Variants in RBM4 observed in about 807,000 individuals in gnomAD.
RBM4 encodes the protein RNA binding motif protein 4.
Under a neutral mutation model 29.5 loss-of-function variants are expected in RBM4, and 7 were observed. The observed-to-expected ratio is 0.24, with a 90% CI of 0.14 to 0.45. The LOEUF (loss-of-function observed/expected upper bound fraction) is 0.45. Ranked by LOEUF, RBM4 falls within the 20% of genes least tolerant of loss-of-function variation. The probability of loss-of-function intolerance (pLI) is 1.00; values close to 1 mark genes in which losing one functional copy is unlikely to be tolerated. For missense variants in RBM4, 387 were observed against 502.3 expected (o/e 0.77, Z 2.19); for synonymous variants, 220 against 205.4 (o/e 1.07, Z -0.61).
At chr11:66,654,351 C>G (rs1938898496) in intron 2 of RBM4, among the ~76,000 whole-genome samples, 1 of 151,722 alleles carries the variant, frequency 6.6e-6, no homozygotes, top group East Asian at 2.0e-4. Flanking sequence ...AAAAAATTAG[C>G]TGGGCGTGGT....
At chr11:66,666,046 G>C in exon 3 of RBM4, 1 of 1,209,604 alleles carries the variant, frequency 8.3e-7, no homozygotes, top group Non-Finnish European at 1.1e-6. Context: ...CAGAAATGAT[G>C]GTCACAAGGG....
In RBM4 at chr11:66,639,464, C is replaced by A; in HGVS notation, c.-12-236C>A. On this transcript the variant is annotated intron_variant, in intron 1 of 3. Transcript: ENST00000310092. ...TGGAAGGTATCGGTTCTTACCAAAC[C>A]CTTTGTCTACTAAGGACCTCCCTAT... The A allele has an allele frequency of 5.2e-6, 3 of 573,644 alleles. No homozygotes were observed. The East Asian group carries it at 8.8e-5, about 17-fold the overall frequency. 35.5% of individuals were successfully genotyped at this position (573,644 alleles called of 1,614,324 possible).
intron 2 of RBM4, chr11:66,640,501 C>T (rs544450525): frequency 8.7e-5 from 36 of 413,350 alleles, no homozygotes; most frequent in Non-Finnish European, 4.7e-5. Context: ...GATCAGAATT[C>T]TGCATTTTAC....
intron 2 of RBM4, among the ~76,000 whole-genome samples, chr11:66,656,849 C>T (rs1297474376): frequency 2.6e-5 from 4 of 151,938 alleles, no homozygotes; most frequent in Admixed American, 6.6e-5. Context: ...TTAGCAGAGA[C>T]GGAGTTTCAC....
At chr11:66,648,253 C>T (rs1474618881), downstream of RBM4, among the ~76,000 whole-genome samples, 2 of 151,304 alleles carry the variant, frequency 1.3e-5, no homozygotes, top group African/African-American at 4.9e-5. Flanking sequence ...GGTGCAGTGA[C>T]TCAACGCCAG....
chr11:66,658,144 T>C (rs1209880001), intron 2 of RBM4, among the ~76,000 whole-genome samples: 1 of 152,086 alleles, frequency 6.6e-6, no homozygotes, highest in African/African-American at 2.4e-5. Context: ...TTCTGCTGCC[T>C]CAGCCTCCCT....
At chr11:66,648,984 C>T (rs1368475137), downstream of RBM4, among the ~76,000 whole-genome samples, 1 of 150,552 alleles carries the variant, frequency 6.6e-6, no homozygotes, top group Non-Finnish European at 1.5e-5. Flanking sequence ...TGCATTTTCT[C>T]TTTTTTAAAC....
chr11:66,640,286 C>T, intron 2 of RBM4, 163 bp downstream of exon 2: 6 of 929,974 alleles, frequency 6.5e-6, no homozygotes, highest in Admixed American at 4.9e-5. Context: ...ATGCATGGGA[C>T]TTAGGGGCTT....
At chr11:66,662,347 T>C (rs1475822588) in intron 2 of RBM4, among the ~76,000 whole-genome samples, 1 of 152,176 alleles carries the variant, frequency 6.6e-6, no homozygotes. Context: ...ATAGAACTCT[T>C]TTGCAGAAAA....
intron 2 of RBM4, among the ~76,000 whole-genome samples, chr11:66,657,682 C>CAA (rs763265823): frequency 1.4e-3 from 40 of 28,004 alleles, no homozygotes; most frequent in East Asian, 3.6e-3. Context: ...GATTCCATCT[C>CAA]AAAAAAAAAA....
chr11:66,647,244 A>C (rs1358954649), downstream of RBM4, among the ~76,000 whole-genome samples: 1 of 152,222 alleles, frequency 6.6e-6, no homozygotes, highest in Non-Finnish European at 1.5e-5. Flanking sequence ...AATACTGAGC[A>C]CCTACTGTAT....
chr11:66,646,810 C>T (rs1443031407), downstream of RBM4, among the ~76,000 whole-genome samples: 1 of 152,196 alleles, frequency 6.6e-6, no homozygotes, highest in Non-Finnish European at 1.5e-5. Context: ...TCTAGCTTAA[C>T]TTAATTTCCA....
exon 3 of RBM4, chr11:66,666,194 C>T (rs1016840313): frequency 4.7e-6 from 4 of 854,718 alleles, no homozygotes; most frequent in Non-Finnish European, 6.5e-6. Flanking sequence ...AGAAATCATT[C>T]CTAGAATTCT....
intron 2 of RBM4, among the ~76,000 whole-genome samples, chr11:66,642,216 G>T (rs1278695649): frequency 2.0e-5 from 3 of 152,154 alleles, no homozygotes; most frequent in Non-Finnish European, 4.4e-5. Context: ...AATTTTGCAA[G>T]GAAAATTGTG....
chr11:66,649,253 C>T (rs2135077048), downstream of RBM4, among the ~76,000 whole-genome samples: 1 of 152,340 alleles, frequency 6.6e-6, no homozygotes, highest in South Asian at 2.1e-4. Flanking sequence ...ATCCGCCTGC[C>T]TCCTAAATTG....
At chr11:66,641,166 A>T (rs908578978) in intron 2 of RBM4, 1 of 152,162 alleles carries the variant, frequency 6.6e-6, no homozygotes, top group African/African-American at 2.4e-5. Flanking sequence ...AAAATAATAA[A>T]AAATAAAAAA....
exon 3 of RBM4, chr11:66,666,054 G>A: frequency 1.7e-6 from 2 of 1,164,876 alleles, no homozygotes; most frequent in Non-Finnish European, 2.4e-6. Flanking sequence ...ATGGTCACAA[G>A]GGGTAGGATA....
Position 66,643,754 on chromosome 11 carries a change from C to T in RBM4, c.717C>T (p.Ala239=), listed in dbSNP as rs569424359. Residue 239 remains alanine, a synonymous_variant, in exon 3 of 4, where the codon GCC becomes GCT. Transcript: ENST00000310092. The surrounding 1 kb of genome is among the most constrained non-coding windows in gnomAD (Gnocchi z 6.1). ...RSYEAVAAAA[A]SVYNYAEQTL... is the part of the protein sequence containing the mutation. ...ATGAGGCAGTGGCAGCTGCAGCTGC[C>T]TCCGTGTATAATTACGCAGAGCAGA... The T allele has an allele frequency of 1.1e-5, 17 of 1,614,102 alleles. No individual in the cohort carries two copies. The South Asian group carries it at 1.6e-4, about 16-fold the overall frequency.
At chr11:66,666,156 T>G (rs888158609) in exon 3 of RBM4, 1 of 761,014 alleles carries the variant, frequency 1.3e-6, no homozygotes, top group African/African-American at 1.8e-5. Context: ...GTTCCCCTAA[T>G]TGACCAAATC....
Sources: allele counts gnomAD v4.1 joint callset (sites outside exome capture counted in the v4.1 genomes callset), GRCh38; gene constraint gnomAD v4.1.1; non-coding constraint Gnocchi (gnomAD v3.1); transcripts MANE v1.5; gene names NCBI Gene and HGNC (gene_info 2026-07-23, HGNC 2026-07-21).